ARHGAP20: variants seen among roughly 807,000 people sequenced by gnomAD.
The protein encoded by ARHGAP20 is Rho GTPase activating protein 20.
ARHGAP20 carries 34 observed loss-of-function variants against 73.7 expected under a neutral mutation model. The ratio of observed to expected loss-of-function variants is 0.46; its 90% CI spans 0.35 to 0.61. The LOEUF is 0.61. Ranked by LOEUF, ARHGAP20 falls within the 20% of genes least tolerant of loss-of-function variation. The pLI is 0.00. For missense variants in ARHGAP20, 1,314 were observed against 1,420.9 expected (o/e 0.92, Z 1.21); for synonymous variants, 523 against 518.2 (o/e 1.01, Z -0.13).
chr11:110,701,248 T>C (rs1247547120), intron 1 of ARHGAP20, among the ~76,000 whole-genome samples: 1 of 151,668 alleles, frequency 6.6e-6, no homozygotes, highest in Non-Finnish European at 1.5e-5. Context: ...CCAGCACCTG[T>C]TGTTTCCTGA....
intron 1 of ARHGAP20, among the ~76,000 whole-genome samples, chr11:110,701,751 A>G (rs1313498395): frequency 2.6e-5 from 4 of 152,070 alleles, no homozygotes; most frequent in Admixed American, 6.6e-5. Context: ...TCTTGAATTG[A>G]TTTTTGTATA....
At chr11:110,606,911 G>A (rs1205238124) in intron 8 of ARHGAP20, among the ~76,000 whole-genome samples, 162 bp from the exon 9 acceptor site, 1 of 152,126 alleles carries the variant, frequency 6.6e-6, no homozygotes, top group Non-Finnish European at 1.5e-5. Flanking sequence ...TTGGAGACCA[G>A]TATGCAGGTG....
At chr11:110,640,963 AC>A (rs1949065746) in intron 2 of ARHGAP20, among the ~76,000 whole-genome samples, 1 of 152,124 alleles carries the variant, frequency 6.6e-6, no homozygotes, top group Non-Finnish European at 1.5e-5. Flanking sequence ...TATTATGAGA[AC>A]ACAGCCTAGT....
At chr11:110,702,500 A>G (rs958021890) in intron 1 of ARHGAP20, among the ~76,000 whole-genome samples, 2 of 152,166 alleles carry the variant, frequency 1.3e-5, no homozygotes, top group African/African-American at 4.8e-5. Context: ...CTCTCTCACC[A>G]TTCCTATTCA....
At chr11:110,604,824 T>C (rs1948187204) in intron 9 of ARHGAP20, among the ~76,000 whole-genome samples, 2 of 152,170 alleles carry the variant, frequency 1.3e-5, no homozygotes. Flanking sequence ...CCAATGACTT[T>C]GGTAAAGTAT....
chr11:110,636,542 C>G (rs111459004), intron 2 of ARHGAP20, among the ~76,000 whole-genome samples: 37 of 152,066 alleles, frequency 2.4e-4, no homozygotes, highest in African/African-American at 8.4e-4. Context: ...TGCTGGTGTC[C>G]GGGAGAATTC....
At chr11:110,614,690 G>C (rs1948446269) in intron 5 of ARHGAP20, 45 bp from the exon 6 acceptor site, 1 of 1,258,400 alleles carries the variant, frequency 7.9e-7, no homozygotes, top group African/African-American at 1.5e-5. Flanking sequence ...GAGTCAGATG[G>C]AATTCGCTAA....
In ARHGAP20 at chr11:110,579,393, T is replaced by C. The variant is rs2134769388; in HGVS notation, c.3553A>G (p.Arg1185Gly). 5 of 1,597,612 alleles carry C rather than the reference T, an allele frequency of 3.1e-6. No homozygotes were observed. In the East Asian group the frequency reaches 1.1e-4, roughly 36 times the overall value. Residue 1185 changes from arginine to glycine, a missense_variant, in exon 15 of 15, where the codon AGG becomes GGG. By Grantham distance (125) the Arg-to-Gly change is moderately radical. Coordinates refer to ENST00000683387, the MANE Select transcript of ARHGAP20 (RefSeq NM_001384657.1). ...GCTTAAATGTCTTTGGTTAAATACC[T>C]GTCCTCAATGTCGCAGACCACTGTA... is the stretch of plus-strand genomic sequence containing the variant. Reference protein sequence around the residue: ...GPTVVCDIEDRYLTKDI With the variant: ...GPTVVCDIEDGYLTKDI
At chr11:110,700,204 A>T (rs1461795984) in intron 1 of ARHGAP20, among the ~76,000 whole-genome samples, 2 of 152,014 alleles carry the variant, frequency 1.3e-5, no homozygotes, top group African/African-American at 4.8e-5. Flanking sequence ...GCAATTTTTC[A>T]TGCTTTGTTT....
intron 4 of ARHGAP20, among the ~76,000 whole-genome samples, chr11:110,616,821 T>C (rs1299545691): frequency 6.6e-6 from 1 of 152,144 alleles, no homozygotes; most frequent in Non-Finnish European, 1.5e-5. Flanking sequence ...TTAGCAAAAA[T>C]CTGTTGAGAA....
At chr11:110,688,357 T>C (rs1471380923) in intron 2 of ARHGAP20, among the ~76,000 whole-genome samples, 6 of 151,410 alleles carry the variant, frequency 4.0e-5, no homozygotes, top group Non-Finnish European at 5.9e-5. Context: ...ATTCTCACCC[T>C]GGAGTAGATT....
chr11:110,639,673 T>C (rs571960743), intron 2 of ARHGAP20, among the ~76,000 whole-genome samples: 1 of 152,156 alleles, frequency 6.6e-6, no homozygotes, highest in East Asian at 1.9e-4. Flanking sequence ...TTTCGGGTAT[T>C]TCACATCATG....
At chr11:110,618,114 C>T (rs1948526311) in intron 4 of ARHGAP20, among the ~76,000 whole-genome samples, 1 of 152,032 alleles carries the variant, frequency 6.6e-6, no homozygotes, top group Non-Finnish European at 1.5e-5. Flanking sequence ...CCCTTTATGG[C>T]AAAGCAGCAG....
At chr11:110,643,702 T>C (rs1026803541) in intron 2 of ARHGAP20, among the ~76,000 whole-genome samples, 4 of 152,006 alleles carry the variant, frequency 2.6e-5, no homozygotes, top group Non-Finnish European at 5.9e-5. Flanking sequence ...TCTTAGATAA[T>C]GTTCCATGTG....
At chr11:110,690,842 T>C in intron 1 of ARHGAP20, 1 of 915,632 alleles carries the variant, frequency 1.1e-6, no homozygotes, top group Non-Finnish European at 1.6e-6. Context: ...GTAAAAGCAA[T>C]AAGTATTTTT....
chr11:110,665,675 G>A (rs1340860632), intron 2 of ARHGAP20, among the ~76,000 whole-genome samples: 3 of 152,178 alleles, frequency 2.0e-5, no homozygotes, highest in African/African-American at 4.8e-5. Flanking sequence ...GCTGTCCAGA[G>A]AAAGAGCTCA....
In ARHGAP20 at chr11:110,613,488, T is replaced by C. The variant is rs1476582237; in HGVS notation, c.630+1073A>G. Among the ~76,000 whole-genome samples, 4 of 152,220 alleles carry C rather than the reference T, an allele frequency of 2.6e-5. No individual in the cohort carries two copies. The South Asian group carries it at 8.3e-4, about 32-fold the overall frequency. On this transcript the variant is annotated intron_variant, in intron 6 of 14. Transcript: ENST00000683387. The stretch of plus-strand genomic sequence containing the variant: ...ACAGAGCACCCAACCTGACCATATA[T>C]CTTATCTTCTCTTCCAAAATGACAG...
intron 1 of ARHGAP20, among the ~76,000 whole-genome samples, chr11:110,698,667 T>C (rs1157178182): frequency 6.6e-6 from 1 of 151,912 alleles, no homozygotes; most frequent in Admixed American, 6.6e-5. Flanking sequence ...TTTCCAGGAA[T>C]TTATCCATCT....
chr11:110,699,584 G>A (rs969801953), intron 1 of ARHGAP20, among the ~76,000 whole-genome samples: 3 of 151,944 alleles, frequency 2.0e-5, no homozygotes, highest in African/African-American at 7.3e-5. Context: ...GGGTGTTCTG[G>A]TGTTAGGTGC....
Sources: gnomAD v4.1 joint callset for allele counts (sites outside exome capture counted in the v4.1 genomes callset) on GRCh38, gnomAD v4.1.1 for gene constraint, MANE v1.5 for transcripts, NCBI Gene and HGNC (gene_info 2026-07-23, HGNC 2026-07-21) for gene names.